Variants in PDE4DIP observed in about 807,000 individuals in gnomAD.
The protein encoded by PDE4DIP is phosphodiesterase 4D interacting protein, also known as myomegalin.
A neutral mutation model predicts 221.4 loss-of-function variants in PDE4DIP; 59 were observed. The observed-to-expected ratio is 0.27, with a 90% CI of 0.22 to 0.33. PDE4DIP has a LOEUF of 0.33. Ranked by LOEUF, PDE4DIP falls within the 10% of genes least tolerant of loss-of-function variation. The probability of loss-of-function intolerance (pLI) is 1.00; values close to 1 mark genes in which losing one functional copy is unlikely to be tolerated. For missense variants in PDE4DIP, 1,036 were observed against 2,154.2 expected (o/e 0.48, Z 10.28); for synonymous variants, 404 against 815.9 (o/e 0.50, Z 8.60).
intron 4 of PDE4DIP, among the ~76,000 whole-genome samples, chr1:148,934,499 T>G (rs1455415959): frequency 6.6e-6 from 1 of 152,246 alleles, no homozygotes; most frequent in Admixed American, 6.5e-5. Context: ...AAAGTAGAGA[T>G]GTTCTAGTGC....
chr1:148,977,597 C>T (rs1236701879), intron 17 of PDE4DIP, among the ~76,000 whole-genome samples: 1 of 150,912 alleles, frequency 6.6e-6, no homozygotes, highest in Non-Finnish European at 1.5e-5. Context: ...ATCATTTTTT[C>T]ATCTGTTAGG....
At chr1:149,017,015 G>A (rs587599538) in intron 33 of PDE4DIP, among the ~76,000 whole-genome samples, 14 of 152,216 alleles carry the variant, frequency 9.2e-5, no homozygotes, top group South Asian at 4.2e-4. Flanking sequence ...CTGAGATGCC[G>A]CGCAGTTCCA....
chr1:148,969,719 T>G (rs868907984), intron 14 of PDE4DIP, among the ~76,000 whole-genome samples: 2,946 of 149,326 alleles, frequency 0.02, 87 homozygotes, highest in African/African-American at 0.069. Context: ...TTTTTTTTTT[T>G]TTTTTTGAGA....
chr1:148,985,811 A>G (rs1302130581), intron 21 of PDE4DIP: 1 of 152,182 alleles, frequency 6.6e-6, no homozygotes, highest in Non-Finnish European at 1.5e-5. Context: ...GTTCAGCAAC[A>G]TCAGAAAATG....
intron 21 of PDE4DIP, among the ~76,000 whole-genome samples, chr1:148,986,959 A>G (rs1262576329): frequency 6.6e-6 from 1 of 152,226 alleles, no homozygotes; most frequent in Non-Finnish European, 1.5e-5. Context: ...GTCCTAATTT[A>G]CATGTGCCTT....
rs1459068075 is a variant in PDE4DIP, at chr1:148,906,981, G to A, written c.141+17087G>A. On this transcript the variant is annotated intron_variant, in intron 1 of 43. Transcript: ENST00000369354. ...GGAGAATTGCTTGAACCTGGGAGGC[G>A]GAGGTTGCAGTGTGCCAAGATCGCG... Among the ~76,000 whole-genome samples the A allele has an allele frequency of 1.3e-4, 19 of 151,346 alleles. 1 individual carries two copies. The highest frequency in any genetic ancestry group is 6.6e-4 in the Admixed American group (10 of 15,244).
At chr1:148,918,610 T>C (rs2044663504) in intron 1 of PDE4DIP, among the ~76,000 whole-genome samples, 1 of 108,380 alleles carries the variant, frequency 9.2e-6, no homozygotes, top group African/African-American at 4.1e-5. Flanking sequence ...TTTGCCTCTG[T>C]CTCTCTCTCT....
chr1:148,877,016 A>T (rs1402282949), intron 3 of PDE4DIP, among the ~76,000 whole-genome samples: 1 of 145,670 alleles, frequency 6.9e-6, no homozygotes, highest in African/African-American at 2.8e-5. Context: ...CGTCTCAAAA[A>T]AAACAAAAAA....
intron 41 of PDE4DIP, among the ~76,000 whole-genome samples, chr1:149,029,051 G>A (rs1204890677): frequency 1.3e-5 from 2 of 152,226 alleles, no homozygotes; most frequent in African/African-American, 2.4e-5. Context: ...TTCAGTTAAA[G>A]CTTCAGCACC....
chr1:148,963,846 C>T (rs753020552), intron 9 of PDE4DIP, among the ~76,000 whole-genome samples: 3 of 137,162 alleles, frequency 2.2e-5, no homozygotes, highest in East Asian at 2.4e-4. Flanking sequence ...CTCCGCCTCT[C>T]GGGTTCACGC....
chr1:148,986,597 C>T (rs1397917629), intron 21 of PDE4DIP: 5 of 152,036 alleles, frequency 3.3e-5, no homozygotes, highest in Admixed American at 2.0e-4. Context: ...AAGCAAGGCT[C>T]GTAGAATGAG....
chr1:148,823,981 C>A (rs587659074), intron 1 of PDE4DIP, among the ~76,000 whole-genome samples: 3 of 148,160 alleles, frequency 2.0e-5, no homozygotes, highest in African/African-American at 7.5e-5. Flanking sequence ...ATAATAGCTT[C>A]TTTGTGAATG....
At chr1:149,012,841 C>T (rs587656908) in intron 32 of PDE4DIP, 65 bp downstream of exon 35, 379 of 937,042 alleles carry the variant, frequency 4.0e-4, no homozygotes, top group Admixed American at 9.0e-4. Context: ...CTGCATGGCT[C>T]GGGCTGGATG....
chr1:149,012,620 G>A (rs781957983), exon 32 of PDE4DIP: 8 of 1,605,820 alleles, frequency 5.0e-6, no homozygotes, highest in Non-Finnish European at 6.8e-6. Flanking sequence ...ACCCAAGCTG[G>A]CTAGCCTTCC....
intron 1 of PDE4DIP, among the ~76,000 whole-genome samples, chr1:148,831,036 C>CCCT (rs1307853357): frequency 7.9e-6 from 1 of 126,276 alleles, no homozygotes; most frequent in African/African-American, 2.7e-5. Flanking sequence ...AGTTTACAGT[C>CCCT]CCAACAATGT....
At chr1:148,940,517 A>G (rs1553478886) in intron 5 of PDE4DIP, among the ~76,000 whole-genome samples, 2 of 150,286 alleles carry the variant, frequency 1.3e-5, no homozygotes, top group East Asian at 3.9e-4. Context: ...GTGTACATCT[A>G]TGGTATTCTG....
intron 36 of PDE4DIP, 188 bp from the exon 40 acceptor site, chr1:149,020,841 T>A (rs369135527): frequency 3.6e-4 from 203 of 568,792 alleles, no homozygotes; most frequent in African/African-American, 1.4e-3. Flanking sequence ...TCCCTCAGCC[T>A]CCATTTCCAT....
At chr1:148,968,021 C>T (rs1412517229) in intron 13 of PDE4DIP, 116 bp downstream of exon 16, 20 of 560,410 alleles carry the variant, frequency 3.6e-5, no homozygotes, top group Non-Finnish European at 3.1e-6. Context: ...TCATTCTGTG[C>T]CTGGGCAAGT....
chr1:149,032,139 G>A (rs1468698351), exon 44 of PDE4DIP: 16 of 1,466,542 alleles, frequency 1.1e-5, no homozygotes, highest in Non-Finnish European at 1.3e-5. Flanking sequence ...TCCAGAAGAG[G>A]GAGTCAGAGA....
Sources: allele counts gnomAD v4.1 joint callset (sites outside exome capture counted in the v4.1 genomes callset), GRCh38; gene constraint gnomAD v4.1.1; transcripts MANE v1.5; gene names NCBI Gene and HGNC (gene_info 2026-07-23, HGNC 2026-07-21).